FAM168B: variants seen among roughly 807,000 people sequenced by gnomAD.
The protein encoded by FAM168B is myelin-associated neurite-outgrowth inhibitor.
FAM168B carries 19 observed loss-of-function variants against 21.8 expected under a neutral mutation model. The observed-to-expected ratio is 0.87, with a 90% CI of 0.61 to 1.28. The LOEUF (loss-of-function observed/expected upper bound fraction) is 1.28, where lower values mean the gene tolerates loss of function less well. Ranked by LOEUF, FAM168B falls within the 50% of genes most tolerant of loss-of-function variation. The pLI, the probability that FAM168B is intolerant of heterozygous loss-of-function variation, is 0.00. For synonymous variants in FAM168B, 126 were observed against 104.8 expected (o/e 1.20, Z -1.24); for missense variants, 233 against 263.1 (o/e 0.89, Z 0.79).
At chr2:131,083,874 G>GTATTTATT (rs10550552) in intron 1 of FAM168B, among the ~76,000 whole-genome samples, 215 of 148,138 alleles carry the variant, frequency 1.5e-3, no homozygotes, top group East Asian at 4.0e-3. Context: ...GCAATTTCCT[G>GTATTTATT]TATTTATTTA....
intron 1 of FAM168B, among the ~76,000 whole-genome samples, chr2:131,091,565 T>A (rs1694030461): frequency 6.6e-6 from 1 of 150,644 alleles, no homozygotes; most frequent in Non-Finnish European, 1.5e-5. Flanking sequence ...GAGAATCCCT[T>A]GAGCCCGGGA....
rs200287487 is a variant in FAM168B at position 131,082,632 on chromosome 2, A to G, written c.15T>C (p.Tyr5=). 2 of 1,606,998 alleles carry G rather than the reference A, an allele frequency of 1.2e-6. No individual in the cohort carries two copies. Among genetic ancestry groups the G allele is most frequent in the Non-Finnish European group, 1.7e-6 (2 of 1,177,544 alleles). MNPV[Y]SPGSSGVPYA... The stretch of plus-strand genomic sequence containing the variant: ...AGGGAACCCCAGAAGATCCAGGACT[A>G]TAAACAGGATTCATGATTTCAAAAA... The change falls in exon 2 of 7, where the codon TAT becomes TAC. Residue 5 remains tyrosine, a synonymous_variant. Transcript: ENST00000389915.
chr2:131,052,636 G>A (rs1691752333), intron 6 of FAM168B, among the ~76,000 whole-genome samples, 184 bp from the exon 7 acceptor site: 1 of 152,194 alleles, frequency 6.6e-6, no homozygotes, highest in African/African-American at 2.4e-5. Flanking sequence ...TCCTGTAGCA[G>A]GCAGGTGGGG....
chr2:131,082,898 TA>T (rs1693489717), intron 1 of FAM168B, among the ~76,000 whole-genome samples: 2 of 151,512 alleles, frequency 1.3e-5, no homozygotes, highest in African/African-American at 4.9e-5. Flanking sequence ...AGCTAAGGAG[TA>T]AAAATTGTTA....
intron 3 of FAM168B, among the ~76,000 whole-genome samples, chr2:131,064,520 C>T (rs1373750518): frequency 1.3e-5 from 2 of 152,082 alleles, no homozygotes; most frequent in Admixed American, 6.5e-5. Flanking sequence ...AGCAAACACC[C>T]GAATATTCTG....
intron 1 of FAM168B, among the ~76,000 whole-genome samples, chr2:131,085,459 A>C (rs1368820603): frequency 6.6e-6 from 1 of 152,188 alleles, no homozygotes; most frequent in African/African-American, 2.4e-5. Context: ...GCAACTACCT[A>C]CCGACTTTCT....
chr2:131,092,988 G>A (rs575639357), intron 1 of FAM168B, among the ~76,000 whole-genome samples: 2 of 151,770 alleles, frequency 1.3e-5, no homozygotes, highest in African/African-American at 2.4e-5. Context: ...CACCTAGGCG[G>A]CAGGCCCGCG....
At chr2:131,071,388 C>A (rs1289763995) in intron 3 of FAM168B, among the ~76,000 whole-genome samples, 2 of 152,158 alleles carry the variant, frequency 1.3e-5, no homozygotes, top group Admixed American at 6.5e-5. Context: ...AGATTCAGAC[C>A]CAAACCAATT....
intron 3 of FAM168B, among the ~76,000 whole-genome samples, chr2:131,065,927 C>A (rs1692534724): frequency 6.6e-6 from 1 of 151,914 alleles, no homozygotes; most frequent in Non-Finnish European, 1.5e-5. Context: ...TTAATTAAAC[C>A]ATCACTTCGT....
At chr2:131,072,679 G>A (rs1372774744) in intron 2 of FAM168B, among the ~76,000 whole-genome samples, 5 of 151,846 alleles carry the variant, frequency 3.3e-5, no homozygotes, top group South Asian at 2.1e-4. Context: ...GGCTGGTCTC[G>A]AACTCCTGAC....
At chr2:131,087,839 G>GTTTTTTT (rs1693794798) in intron 1 of FAM168B, among the ~76,000 whole-genome samples, 1 of 152,198 alleles carries the variant, frequency 6.6e-6, no homozygotes, top group African/African-American at 2.4e-5. Context: ...ATGAACATTT[G>GTTTTTTT]TAACAGCATT....
rs1290003945 is a variant in FAM168B at position 131,051,638 on chromosome 2, ATCTC to A, written c.*823_*826del. 28 of 985,276 alleles carry A rather than the reference ATCTC, an allele frequency of 2.8e-5. No individual in the cohort carries two copies. Among genetic ancestry groups the A allele is most frequent in the South Asian group, 1.4e-4 (3 of 21,294 alleles). 61.0% of individuals were successfully genotyped at this position (985,276 alleles called of 1,614,324 possible). ...TCCAATAAAGACATATAAAAACATC[ATCTC>A]TCTAAGAGAACTGTAATGAAAATTT... On this transcript the variant is annotated 3_prime_UTR_variant, in exon 7 of 7. Coordinates refer to ENST00000389915, the MANE Select transcript of FAM168B (RefSeq NM_001009993.4).
Position 131,050,184 on chromosome 2 carries a change from C to A in FAM168B, c.*2281G>T. The A allele has an allele frequency of 1.0e-6, 1 of 985,480 alleles. No individual in the cohort carries two copies. The highest frequency in any genetic ancestry group is 1.2e-6 in the Non-Finnish European group (1 of 829,948). 61.0% of individuals were successfully genotyped at this position (985,480 alleles called of 1,614,324 possible). On this transcript the variant is annotated 3_prime_UTR_variant, in exon 7 of 7. Coordinates refer to ENST00000389915, the MANE Select transcript of FAM168B (RefSeq NM_001009993.4). ...CATCCTGTGTGTGCCAAGTACCAAG[C>A]AAGCCTGAAGAGATGCCTGTAACTT...
At chr2:131,083,682 T>C (rs1573815319) in intron 1 of FAM168B, among the ~76,000 whole-genome samples, 1 of 152,216 alleles carries the variant, frequency 6.6e-6, no homozygotes, top group Non-Finnish European at 1.5e-5. Context: ...TAATACAATG[T>C]TAAGTGAAAA....
intron 1 of FAM168B, among the ~76,000 whole-genome samples, chr2:131,086,512 A>G (rs957653963): frequency 6.6e-6 from 1 of 152,182 alleles, no homozygotes; most frequent in African/African-American, 2.4e-5. Flanking sequence ...CTTGAGATCA[A>G]TTGAGTCCAG....
At chr2:131,065,985 T>C (rs771774632) in intron 3 of FAM168B, among the ~76,000 whole-genome samples, 44 of 152,084 alleles carry the variant, frequency 2.9e-4, no homozygotes, top group South Asian at 2.1e-4. Context: ...CATCCAATTA[T>C]TGCCCTTAGA....
chr2:131,088,088 A>T (rs1248281136), intron 1 of FAM168B, among the ~76,000 whole-genome samples: 1 of 152,154 alleles, frequency 6.6e-6, no homozygotes, highest in Non-Finnish European at 1.5e-5. Flanking sequence ...TCTGCTAAAA[A>T]TACAAAAATT....
chr2:131,071,986 CA>C (rs763305143), intron 2 of FAM168B, 48 bp from the exon 3 acceptor site: 1 of 1,539,138 alleles, frequency 6.5e-7, no homozygotes, highest in Non-Finnish European at 9.0e-7. Flanking sequence ...GAAGTAGCGA[CA>C]ATCACTAGAG....
intron 1 of FAM168B, among the ~76,000 whole-genome samples, chr2:131,087,833 A>G (rs1201040151): frequency 6.6e-6 from 1 of 152,218 alleles, no homozygotes; most frequent in African/African-American, 2.4e-5. Context: ...TTGGACATGA[A>G]CATTTGTAAC....
Sources: allele counts gnomAD v4.1 joint callset (sites outside exome capture counted in the v4.1 genomes callset), GRCh38; gene constraint gnomAD v4.1.1; transcripts MANE v1.5; gene names NCBI Gene and HGNC (gene_info 2026-07-23, HGNC 2026-07-21).